Variants in NPAS3 observed in about 807,000 individuals in gnomAD.
NPAS3 encodes neuronal PAS domain-containing protein 3.
NPAS3 carries 14 observed loss-of-function variants against 73.1 expected under a neutral mutation model. The ratio of observed to expected loss-of-function variants is 0.19; its 90% confidence interval spans 0.13 to 0.30. The LOEUF (loss-of-function observed/expected upper bound fraction) is 0.30. Among genes scored for constraint, NPAS3 ranks in the 10% least tolerant of loss-of-function variants. The pLI, the probability that NPAS3 is intolerant of heterozygous loss-of-function variation, is 1.00. For synonymous variants in NPAS3, 620 were observed against 541.5 expected (o/e 1.14, Z -2.01); for missense variants, 1,096 against 1,250.0 (o/e 0.88, Z 1.86).
chr14:33,565,328 T>C lies in NPAS3; in HGVS notation c.558+5118T>C, dbSNP rs375556631. Among the ~76,000 whole-genome samples, 323 of 152,338 alleles carry C rather than the reference T, an allele frequency of 2.1e-3. 2 individuals are homozygous for C. The highest frequency in any genetic ancestry group is 7.3e-3 in the African/African-American group (302 of 41,584). ...GCACACAAGTACAAGGTCAAATAAA[T>C]GACAGAGCTCAGTCTATTTGTGAAG... On this transcript the variant is annotated intron_variant, in intron 5 of 11. Coordinates refer to ENST00000356141, the Ensembl canonical transcript of NPAS3.
chr14:33,775,096 T>G (rs1297792125), intron 8 of NPAS3, among the ~76,000 whole-genome samples: 1 of 152,206 alleles, frequency 6.6e-6, no homozygotes, highest in African/African-American at 2.4e-5. Flanking sequence ...TCCTCAAGAC[T>G]AAGCTTTTAT....
chr14:33,265,177 T>C (rs1213604369), intron 3 of NPAS3, among the ~76,000 whole-genome samples: 1 of 152,204 alleles, frequency 6.6e-6, no homozygotes, highest in East Asian at 1.9e-4. Context: ...GCCCCTTGGC[T>C]AGTAGGGGAA....
Position 33,127,120 on chromosome 14 carries a change from G to T in NPAS3, c.140+71126G>T, listed in dbSNP as rs190593011. 3.2e-4 allele frequency among the ~76,000 whole-genome samples: 47 copies of T among 148,950 alleles called. No homozygotes were observed. The East Asian group carries it at 8.3e-3, about 26-fold the overall frequency. On this transcript the variant is annotated intron_variant, in intron 2 of 11. Transcript: ENST00000356141. Reference sequence around the variant, plus strand: ...AAAAAAAACTCTAAATAAATGTTTTGGGGCATATTCTTTGGGACTTCCTTT... The same window carrying T: ...AAAAAAAACTCTAAATAAATGTTTTTGGGCATATTCTTTGGGACTTCCTTT...
At chr14:33,503,008 T>A (rs61974988) in intron 4 of NPAS3, among the ~76,000 whole-genome samples, 33,293 of 151,710 alleles carry the variant, frequency 0.22, 4,336 homozygotes, top group East Asian at 0.46. Context: ...CTTGTTGCCT[T>A]TTCTTCATGA....
At chr14:33,688,854 C>T (rs977661201) in intron 6 of NPAS3, among the ~76,000 whole-genome samples, 1 of 152,160 alleles carries the variant, frequency 6.6e-6, no homozygotes, top group Admixed American at 6.5e-5. Flanking sequence ...GATTTTGGTG[C>T]AAAGATATGA....
chr14:33,258,720 C>G (rs190053352), intron 3 of NPAS3, among the ~76,000 whole-genome samples: 42 of 152,298 alleles, frequency 2.8e-4, no homozygotes, highest in African/African-American at 9.4e-4. Context: ...GGGTCATCCT[C>G]GTATTTCCTC....
intron 3 of NPAS3, among the ~76,000 whole-genome samples, chr14:33,274,871 T>C (rs1424531093): frequency 6.6e-6 from 1 of 152,176 alleles, no homozygotes; most frequent in African/African-American, 2.4e-5. Flanking sequence ...AAGGGCTACA[T>C]TTTTATATAA....
At chr14:33,632,352 A>T (rs759316561) in intron 5 of NPAS3, among the ~76,000 whole-genome samples, 1 of 152,158 alleles carries the variant, frequency 6.6e-6, no homozygotes, top group Non-Finnish European at 1.5e-5. Context: ...TAAAACTAAT[A>T]GTTTTGATGC....
At chr14:33,601,719 A>C (rs1245311247) in intron 5 of NPAS3, among the ~76,000 whole-genome samples, 2 of 152,230 alleles carry the variant, frequency 1.3e-5, no homozygotes, top group East Asian at 3.8e-4. Flanking sequence ...ATTTCTGGAA[A>C]GTAACTTAGA....
At chr14:33,059,502 C>A (rs1007366865) in intron 2 of NPAS3, among the ~76,000 whole-genome samples, 1 of 152,090 alleles carries the variant, frequency 6.6e-6, no homozygotes, top group Non-Finnish European at 1.5e-5. Flanking sequence ...AAAAAATACA[C>A]CTCATATTGT....
chr14:33,424,197 G>C (rs1413962400), intron 4 of NPAS3, among the ~76,000 whole-genome samples: 1 of 151,966 alleles, frequency 6.6e-6, no homozygotes. Flanking sequence ...GAGATAAGTT[G>C]GAGTTGACTA....
At position 33,158,437 on chromosome 14, in the gene NPAS3, C is replaced by T. The variant is rs560008689; in HGVS notation, c.141-56745C>T. Reference sequence around the variant, plus strand: ...ACTAGCTAGAGAATCAGAACATGAGCGATTATGTCCCTTTTCTAATGGACA... The same window carrying T: ...ACTAGCTAGAGAATCAGAACATGAGTGATTATGTCCCTTTTCTAATGGACA... On this transcript the variant is annotated intron_variant, in intron 2 of 11. Coordinates refer to ENST00000356141, the Ensembl canonical transcript of NPAS3. Among the ~76,000 whole-genome samples, 4 of 152,164 alleles carry T rather than the reference C, an allele frequency of 2.6e-5. No individual in the cohort carries two copies. The South Asian group carries it at 8.3e-4, about 32-fold the overall frequency.
At chr14:33,334,096 G>A (rs1465374704) in intron 3 of NPAS3, among the ~76,000 whole-genome samples, 1 of 152,064 alleles carries the variant, frequency 6.6e-6, no homozygotes, top group Non-Finnish European at 1.5e-5. Flanking sequence ...GTGAATATTT[G>A]GAAATAGAAA....
chr14:33,380,762 G>T (rs1431057604), intron 4 of NPAS3, among the ~76,000 whole-genome samples: 1 of 152,168 alleles, frequency 6.6e-6, no homozygotes, highest in Non-Finnish European at 1.5e-5. Flanking sequence ...TCACAGAGGA[G>T]CCTCGTTGAA....
intron 6 of NPAS3, among the ~76,000 whole-genome samples, chr14:33,732,218 T>C (rs1398615599): frequency 6.6e-6 from 1 of 152,156 alleles, no homozygotes; most frequent in Non-Finnish European, 1.5e-5. Flanking sequence ...CCCACACACA[T>C]GCACGCATGT....
intron 2 of NPAS3, among the ~76,000 whole-genome samples, chr14:33,074,502 C>T (rs1002769897): frequency 3.3e-5 from 5 of 152,070 alleles, no homozygotes; most frequent in Non-Finnish European, 4.4e-5. Context: ...CTACAACCTC[C>T]GCCTCCCAGG....
intron 5 of NPAS3, among the ~76,000 whole-genome samples, chr14:33,643,015 C>A (rs899002643): frequency 6.6e-6 from 1 of 152,078 alleles, no homozygotes; most frequent in Non-Finnish European, 1.5e-5. Flanking sequence ...CATCTCCTCT[C>A]GCAATAATCT....
chr14:33,728,998 C>A (rs546725421), intron 6 of NPAS3, among the ~76,000 whole-genome samples: 2 of 152,268 alleles, frequency 1.3e-5, no homozygotes, highest in South Asian at 4.1e-4. Context: ...TTTATTTTGA[C>A]ACGTGTAACT....
At position 33,800,809 on chromosome 14, in the gene NPAS3, C is replaced by G; in HGVS notation, c.2502C>G (p.Ala834=). 1.3e-6 allele frequency: 2 copies of G among 1,598,884 alleles called. No individual in the cohort carries two copies. Among genetic ancestry groups the G allele is most frequent in the Non-Finnish European group, 8.5e-7 (1 of 1,173,476 alleles). Residue 834 remains alanine, a synonymous_variant, in exon 12 of 12, where the codon GCC becomes GCG. Coordinates refer to ENST00000356141, the Ensembl canonical transcript of NPAS3. This position sits in a 1 kb window ranked among gnomAD's most constrained non-coding sequence, Gnocchi z 6.5. ...CGGGCACCATCCGCTACGCGCCCGCCGAGGTGACCCTGGCCATGCAGAGCA... is the reference window on the plus strand; with the variant it reads ...CGGGCACCATCCGCTACGCGCCCGCGGAGGTGACCCTGGCCATGCAGAGCA...
Sources: gnomAD v4.1 joint callset for allele counts (sites outside exome capture counted in the v4.1 genomes callset) on GRCh38, gnomAD v4.1.1 for gene constraint, Gnocchi (gnomAD v3.1) non-coding constraint, MANE v1.5 for transcripts, NCBI Gene and HGNC (gene_info 2026-07-23, HGNC 2026-07-21) for gene names.